TSC2: variants seen among roughly 807,000 people sequenced by gnomAD.
TSC2 encodes TSC complex subunit 2.
TSC2 carries 29 observed loss-of-function variants against 202.2 expected under a neutral mutation model. That is an observed-to-expected ratio of 0.14 (90% CI 0.11 to 0.20). TSC2 has a LOEUF of 0.20. Ranked by LOEUF, TSC2 falls within the 10% of genes least tolerant of loss-of-function variation. The pLI is 1.00. For synonymous variants in TSC2, 1,349 were observed against 1,044.0 expected, an observed-to-expected ratio of 1.29 and a Z score of -5.63; for missense variants, 2,429 against 2,420.0, an observed-to-expected ratio of 1.00 and a Z score of -0.08.
At position 2,083,028 on chromosome 16, in the gene TSC2, C is replaced by T. The variant is rs1013513129; in HGVS notation, c.3883+524C>T. The T allele has an allele frequency of 3.4e-4, 149 of 444,354 alleles. 1 individual carries two copies. The highest frequency in any genetic ancestry group is 2.8e-3 in the African/African-American group (139 of 49,944). 27.5% of individuals were successfully genotyped at this position (444,354 alleles called of 1,614,324 possible). The stretch of plus-strand genomic sequence containing the variant: ...TGCATGGTGCTCCCCTGCCAGGTCT[C>T]CACGTGCAGACGAGCTGGTTTGGAA... On this transcript the variant is annotated intron_variant, in intron 32 of 41. Coordinates refer to ENST00000219476, the MANE Select transcript of TSC2 (RefSeq NM_000548.5).
chr16:2,074,036 G>C (rs1250700232), intron 21 of TSC2, among the ~76,000 whole-genome samples, 164 bp from the exon 22 acceptor site: 1 of 152,280 alleles, frequency 6.6e-6, no homozygotes, highest in African/African-American at 2.4e-5. Flanking sequence ...CTGCTGTGCA[G>C]AGTCTGCTCG....
chr16:2,082,155 C>A, intron 31 of TSC2: 3 of 594,396 alleles, frequency 5.0e-6, no homozygotes, highest in Non-Finnish European at 9.0e-6. Context: ...TCTGGGCCCC[C>A]ACCCCACTCG....
In TSC2 at chr16:2,056,616, G is replaced by A. The variant is rs372726749; in HGVS notation, c.649-28G>A. 8 of 1,605,308 alleles carry A rather than the reference G, an allele frequency of 5.0e-6. No individual in the cohort carries two copies. In the East Asian group the frequency reaches 8.9e-5, roughly 18 times the overall value. The stretch of plus-strand genomic sequence containing the variant: ...CTGTGGGGAGGAGCTGGGGTAGGAC[G>A]GGCGTGAGCCGTCTCCCTCTCCACC... On this transcript the variant is annotated intron_variant, in intron 7 of 41. Transcript: ENST00000219476.
chr16:2,082,328 G>C, intron 31 of TSC2, 108 bp from the exon 32 acceptor site: 1 of 1,352,290 alleles, frequency 7.4e-7, no homozygotes, highest in Non-Finnish European at 1.1e-6. Flanking sequence ...CCTGCCGGCC[G>C]CTGGCCCTGC....
chr16:2,055,436 G>A lies in TSC2; in HGVS notation c.516G>A (p.Leu172=), dbSNP rs772641112. Residue 172 remains leucine (L), a synonymous_variant, in exon 6 of 42, where the codon TTG becomes TTA. Coordinates refer to ENST00000219476, the MANE Select transcript of TSC2 (RefSeq NM_000548.5). The part of the protein sequence containing the change: ...DFVLQWMDVG[L]SSEFLLVLVN... ...TCCTGCAGTGGATGGATGTTGGCTT[G>A]TCCTCGGAATTCCTTCTGGTGCTGG... 1.2e-6 allele frequency: 2 copies of A among 1,614,094 alleles called. No individual in the cohort carries two copies. The highest frequency in any genetic ancestry group is 2.2e-5 in the East Asian group (1 of 44,890).
At chr16:2,070,372 G>T in intron 16 of TSC2, 84 bp from the exon 17 acceptor site, 2 of 1,611,424 alleles carry the variant, frequency 1.2e-6, no homozygotes, top group South Asian at 1.1e-5. Flanking sequence ...CAGCCGCCCC[G>T]GCCCCTGCTC....
chr16:2,070,553 C>T lies in TSC2; in HGVS notation c.1814C>T (p.Pro605Leu), dbSNP rs1555505178. Residue 605 changes from proline (P) to leucine (L), a missense_variant, in exon 17 of 42, where the codon CCA (proline) becomes CTA (leucine). Pro to Leu is a moderately conservative substitution (Grantham distance 98). Transcript: ENST00000219476. ...QLHYKHSYTLPIASSIRLQAF... is the reference protein window; with the variant it reads ...QLHYKHSYTLLIASSIRLQAF... ...CACTACAAGCACAGCTACACCCTGC[C>T]AATCGCGAGCAGCATCCGGCTGCAG... is the stretch of plus-strand genomic sequence containing the variant. The T allele has an allele frequency of 1.2e-6, 2 of 1,613,198 alleles. No homozygotes were observed. Among genetic ancestry groups the T allele is most frequent in the Non-Finnish European group, 8.5e-7 (1 of 1,180,028 alleles).
rs372424945 is a variant in TSC2 at position 2,062,967 on chromosome 16, C to T, written c.1362-5C>T. On this transcript the variant is annotated splice_region_variant and splice_polypyrimidine_tract_variant and intron_variant, in intron 13 of 41. Coordinates refer to ENST00000219476, the MANE Select transcript of TSC2 (RefSeq NM_000548.5). ...CACCCGCCCCAGCAGGCTGCCGTCC[C>T]GCAGGAGCGAGTCCCGAGGCGCCGT... 8.4e-6 allele frequency: 13 copies of T among 1,549,920 alleles called. No homozygotes were observed. Among genetic ancestry groups the T allele is most frequent in the East Asian group, 4.9e-5 (2 of 40,920 alleles).
chr16:2,078,890 C>T (rs2089761569), intron 26 of TSC2, 142 bp from the exon 27 acceptor site: 1 of 1,070,856 alleles, frequency 9.3e-7, no homozygotes, highest in East Asian at 2.4e-5. Flanking sequence ...CAAGCTGAGG[C>T]TCGCTGGGCC....
At position 2,054,379 on chromosome 16, in the gene TSC2, G is replaced by A. The variant is rs876660078; in HGVS notation, c.420G>A (p.Leu140=). 1 of 1,614,242 alleles carries A rather than the reference G, an allele frequency of 6.2e-7. No individual in the cohort carries two copies. Residue 140 remains leucine (L), a synonymous_variant, in exon 5 of 42, where the codon CTG becomes CTA. Transcript: ENST00000219476. ...YPSNEDLHER[L]EVFKALTDNG... ...CCAACGAAGACCTTCACGAAAGGCT[G>A]GAGGTTTTCAAGGCCCTCACAGACA...
rs759988275 is a variant in TSC2 at position 2,083,753 on chromosome 16, C to A, written c.3942C>A (p.Pro1314=). ...SPGEVPVLVE[P]PGLEDVEAAL... Reference sequence around the variant, plus strand: ...GCGAGGTTCCTGTGCTGGTGGAGCCCCCAGGGTTGGAGGACGTTGAGGCAG... The same window carrying A: ...GCGAGGTTCCTGTGCTGGTGGAGCCACCAGGGTTGGAGGACGTTGAGGCAG... The change falls in exon 33 of 42, where the codon CCC becomes CCA. Residue 1314 remains proline, a synonymous_variant. Transcript: ENST00000219476. The A allele has an allele frequency of 6.2e-7, 1 of 1,608,832 alleles. No individual in the cohort carries two copies. The highest frequency in any genetic ancestry group is 1.1e-5 in the South Asian group (1 of 89,968).
intron 32 of TSC2, 77 bp downstream of exon 32, chr16:2,082,581 C>T (rs1212683451): frequency 2.4e-5 from 36 of 1,516,474 alleles, no homozygotes; most frequent in African/African-American, 1.5e-4. Context: ...TCGCCTCATC[C>T]GCCCACCCCC....
rs766916450 is a variant in TSC2 at position 2,084,682 on chromosome 16, C to G, written c.4460C>G (p.Ser1487Cys). Residue 1487 changes from serine to cysteine, a missense_variant, in exon 34 of 42, where the codon TCC becomes TGC. Transcript: ENST00000219476. ...RDALKSRATASNAEKVPGINP... is the reference protein window; with the variant it reads ...RDALKSRATACNAEKVPGINP... ...GCCTTAAAGAGCAGAGCCACAGCCTCCAATGCAGAGAAAGTGCCAGGCATC... is the reference window on the plus strand; with the variant it reads ...GCCTTAAAGAGCAGAGCCACAGCCTGCAATGCAGAGAAAGTGCCAGGCATC... 2 of 1,598,472 alleles carry G rather than the reference C, an allele frequency of 1.3e-6. No individual in the cohort carries two copies. Among genetic ancestry groups the G allele is most frequent in the African/African-American group, 2.7e-5 (2 of 74,920 alleles).
In TSC2 at chr16:2,064,310, C is replaced by G. The variant is rs549189961; in HGVS notation, c.1482C>G (p.Ser494=). 8.7e-6 allele frequency: 14 copies of G among 1,613,904 alleles called. No individual in the cohort carries two copies. In the South Asian group the frequency reaches 1.1e-4, roughly 13 times the overall value. ...LINSVVISQL[S]HIPEDKDHQV... is the part of the protein sequence containing the mutation. ...ACTCAGTGGTCATCTCGCAGCTCTC[C>G]CACATCCCCGAGGATAAAGACCACC... The change falls in exon 15 of 42, where the codon TCC becomes TCG. Residue 494 remains serine (S), a synonymous_variant. Coordinates refer to ENST00000219476, the MANE Select transcript of TSC2 (RefSeq NM_000548.5).
Position 2,079,125 on chromosome 16 carries a change from G to A in TSC2, c.3060G>A (p.Leu1020=), listed in dbSNP as rs2151432959. 1 of 1,613,024 alleles carries A rather than the reference G, an allele frequency of 6.2e-7. No homozygotes were observed. The part of the protein sequence containing the change: ...QADDSLKNLH[L]ELTETCLDMM... ...ACGATAGCCTGAAAAACCTCCACCTGGAGCTCACGGAAACCTGTCTGGACA... is the reference window on the plus strand; with the variant it reads ...ACGATAGCCTGAAAAACCTCCACCTAGAGCTCACGGAAACCTGTCTGGACA... The change falls in exon 27 of 42, where the codon CTG becomes CTA. Residue 1020 remains leucine (L), a synonymous_variant. Transcript: ENST00000219476. This position sits in a 1 kb window ranked among gnomAD's most constrained non-coding sequence, Gnocchi z 4.6.
chr16:2,077,572 G>T lies in TSC2; in HGVS notation c.2838-26G>T, dbSNP rs750859415. On this transcript the variant is annotated intron_variant, in intron 25 of 41. Transcript: ENST00000219476. The stretch of plus-strand genomic sequence containing the variant: ...TCCCGGGAGCTGGGCTCTCTGGGGC[G>T]TTGGGGCTCCTTCCTCACCCGATAG... 17 of 1,612,240 alleles carry T rather than the reference G, an allele frequency of 1.1e-5. No individual in the cohort carries two copies. The East Asian group carries it at 3.6e-4, about 34-fold the overall frequency.
intron 3 of TSC2, among the ~76,000 whole-genome samples, chr16:2,051,330 A>AG (rs1189780658): frequency 1.3e-5 from 2 of 152,074 alleles, no homozygotes; most frequent in African/African-American, 4.8e-5. Context: ...AAAAAAAAAA[A>AG]AAAGGAAGAG....
At chr16:2,070,833 C>T (rs368526109) in intron 17 of TSC2, among the ~76,000 whole-genome samples, 2 of 152,324 alleles carry the variant, frequency 1.3e-5, no homozygotes, top group Admixed American at 6.5e-5. Context: ...GGACGCACGG[C>T]GACTTCCGGG....
At chr16:2,083,891 T>A in intron 33 of TSC2, 75 bp downstream of exon 33, 1 of 1,539,172 alleles carries the variant, frequency 6.5e-7, no homozygotes, top group Non-Finnish European at 8.7e-7. Flanking sequence ...TGCGTGGGTG[T>A]GCCTGCACCC....
Sources: gnomAD v4.1 joint callset for allele counts (sites outside exome capture counted in the v4.1 genomes callset) on GRCh38, gnomAD v4.1.1 for gene constraint, Gnocchi (gnomAD v3.1) non-coding constraint, MANE v1.5 for transcripts, NCBI Gene and HGNC (gene_info 2026-07-23, HGNC 2026-07-21) for gene names.